Variants in PPFIA2 observed in about 807,000 individuals in gnomAD.
PPFIA2 encodes the protein PPFI scaffold protein A2.
PPFIA2 carries 46 observed loss-of-function variants against 175.5 expected under a neutral mutation model. The ratio of observed to expected loss-of-function variants is 0.26; its 90% CI spans 0.21 to 0.34. PPFIA2 has a LOEUF of 0.34. Among genes scored for constraint, PPFIA2 ranks in the 10% least tolerant of loss-of-function variants. The pLI is 1.00. For synonymous variants in PPFIA2, 568 were observed against 511.4 expected, an observed-to-expected ratio of 1.11 and a Z score of -1.49; for missense variants, 1,179 against 1,506.1, an observed-to-expected ratio of 0.78 and a Z score of 3.60.
intron 4 of PPFIA2, among the ~76,000 whole-genome samples, chr12:81,648,439 T>C (rs2066498158): frequency 6.6e-6 from 1 of 151,996 alleles, no homozygotes; most frequent in Admixed American, 6.6e-5. Flanking sequence ...GTTGATACAC[T>C]ATCAACAAAA....
chr12:81,413,677 C>T (rs2044407409), intron 7 of PPFIA2, among the ~76,000 whole-genome samples: 1 of 151,774 alleles, frequency 6.6e-6, no homozygotes, highest in Admixed American at 6.6e-5. Context: ...CTCAAGTATA[C>T]TGCAGCTTAG....
At chr12:81,281,574 T>C (rs528574079) in intron 26 of PPFIA2, 124 bp from the exon 27 acceptor site, 1 of 593,176 alleles carries the variant, frequency 1.7e-6, no homozygotes, top group Non-Finnish European at 2.7e-6. Flanking sequence ...GCAAAAATAA[T>C]ATTCAGATAG....
intron 3 of PPFIA2, among the ~76,000 whole-genome samples, chr12:81,720,364 C>T (rs776748197): frequency 5.9e-5 from 9 of 151,464 alleles, no homozygotes; most frequent in Admixed American, 2.6e-4. Context: ...GTCAAATGCA[C>T]ATACTAACTT....
chr12:81,485,941 T>C (rs550738911), intron 4 of PPFIA2, among the ~76,000 whole-genome samples: 7 of 152,014 alleles, frequency 4.6e-5, no homozygotes, highest in African/African-American at 1.7e-4. Flanking sequence ...TATTAAATTA[T>C]AACACAGATA....
chr12:81,620,279 G>GT (rs1051978847), intron 4 of PPFIA2, among the ~76,000 whole-genome samples: 1 of 151,290 alleles, frequency 6.6e-6, no homozygotes, highest in African/African-American at 2.4e-5. Flanking sequence ...AAAAACAGAT[G>GT]TATCAAAAGT....
chr12:81,647,224 A>G (rs2066244862), intron 4 of PPFIA2, among the ~76,000 whole-genome samples: 1 of 152,198 alleles, frequency 6.6e-6, no homozygotes, highest in African/African-American at 2.4e-5. Flanking sequence ...ATAGTAGAGG[A>G]AAGATCAGTG....
intron 4 of PPFIA2, among the ~76,000 whole-genome samples, chr12:81,560,158 T>C (rs566151407): frequency 6.6e-6 from 1 of 152,130 alleles, no homozygotes; most frequent in African/African-American, 2.4e-5. Flanking sequence ...GTACAGATAC[T>C]AGAGGTAGTG....
At chr12:81,560,796 T>C (rs184767576) in intron 4 of PPFIA2, among the ~76,000 whole-genome samples, 16 of 152,278 alleles carry the variant, frequency 1.1e-4, no homozygotes, top group Non-Finnish European at 2.2e-4. Context: ...GTGCCTCTGA[T>C]TCTATTAAGA....
chr12:81,492,553 A>G (rs1004200485), intron 4 of PPFIA2, among the ~76,000 whole-genome samples: 4 of 152,076 alleles, frequency 2.6e-5, no homozygotes, highest in Non-Finnish European at 5.9e-5. Flanking sequence ...GGAGTGTGGC[A>G]TTTGAGCAAA....
At chr12:81,729,722 G>A (rs2080602371) in intron 3 of PPFIA2, among the ~76,000 whole-genome samples, 1 of 151,492 alleles carries the variant, frequency 6.6e-6, no homozygotes, top group African/African-American at 2.4e-5. Context: ...TTCTCCAGCT[G>A]GAGTCTCAGA....
intron 7 of PPFIA2, among the ~76,000 whole-genome samples, chr12:81,421,717 A>G (rs2046274581): frequency 6.6e-6 from 1 of 152,050 alleles, no homozygotes; most frequent in Non-Finnish European, 1.5e-5. Context: ...TACATGAATT[A>G]AAATCACCAA....
intron 3 of PPFIA2, among the ~76,000 whole-genome samples, chr12:81,683,352 A>G (rs1452880774): frequency 3.9e-4 from 1 of 2,578 alleles, no homozygotes; most frequent in Non-Finnish European, 6.3e-4. Context: ...AAAAAATAAT[A>G]TATATATATA....
chr12:81,407,154 C>G (rs1192316164), intron 7 of PPFIA2, among the ~76,000 whole-genome samples: 1 of 152,170 alleles, frequency 6.6e-6, no homozygotes, highest in Non-Finnish European at 1.5e-5. Flanking sequence ...ATCTTTCAAA[C>G]TTAAATTAGA....
intron 4 of PPFIA2, among the ~76,000 whole-genome samples, chr12:81,581,038 G>A (rs771088649): frequency 1.3e-5 from 2 of 151,646 alleles, no homozygotes; most frequent in Admixed American, 6.6e-5. Flanking sequence ...ATATTGCACC[G>A]GACTCTGAAG....
chr12:81,299,541 C>T (rs1264303167), intron 22 of PPFIA2, among the ~76,000 whole-genome samples, 159 bp from the exon 23 acceptor site: 2 of 152,086 alleles, frequency 1.3e-5, no homozygotes, highest in African/African-American at 2.4e-5. Flanking sequence ...GTAACACACA[C>T]ACATCATCCA....
intron 4 of PPFIA2, among the ~76,000 whole-genome samples, chr12:81,642,222 C>A (rs991969510): frequency 3.3e-5 from 5 of 151,850 alleles, no homozygotes; most frequent in East Asian, 1.9e-4. Flanking sequence ...CATATATACA[C>A]ACAAAAGCTT....
At chr12:81,451,864 C>T (rs1273214053) in intron 5 of PPFIA2, among the ~76,000 whole-genome samples, 1 of 152,038 alleles carries the variant, frequency 6.6e-6, no homozygotes, top group South Asian at 2.1e-4. Flanking sequence ...ATTAAGAGTA[C>T]AAAAAGTGAT....
At chr12:81,538,693 T>G (rs1026486583) in intron 4 of PPFIA2, among the ~76,000 whole-genome samples, 1 of 151,886 alleles carries the variant, frequency 6.6e-6, no homozygotes, top group African/African-American at 2.4e-5. Flanking sequence ...AGGTGTAATG[T>G]ACTGTCTGTT....
intron 22 of PPFIA2, among the ~76,000 whole-genome samples, chr12:81,320,549 T>C (rs2053438458): frequency 6.6e-6 from 1 of 152,006 alleles, no homozygotes; most frequent in Non-Finnish European, 1.5e-5. Flanking sequence ...TAACTAAAGA[T>C]TGAAAATGAT....
Sources: gnomAD v4.1 joint callset for allele counts (sites outside exome capture counted in the v4.1 genomes callset) on GRCh38, gnomAD v4.1.1 for gene constraint, MANE v1.5 for transcripts, NCBI Gene and HGNC (gene_info 2026-07-23, HGNC 2026-07-21) for gene names.